Variants in SLC35F3 observed in about 807,000 individuals in gnomAD.
The protein encoded by SLC35F3 is solute carrier family 35 member F3.
Under a neutral mutation model 49.9 loss-of-function variants are expected in SLC35F3, and 25 were observed. The ratio of observed to expected loss-of-function variants is 0.50; its 90% CI spans 0.37 to 0.70. The LOEUF (loss-of-function observed/expected upper bound fraction) is 0.70. SLC35F3 is among the 30% of genes least tolerant of loss of function. The pLI is 0.00. For missense variants in SLC35F3, 525 were observed against 639.8 expected (o/e 0.82, Z 1.94); for synonymous variants, 275 against 265.4 (o/e 1.04, Z -0.35).
At chr1:234,160,834 A>G (rs1335853842) in intron 2 of SLC35F3, among the ~76,000 whole-genome samples, 1 of 152,246 alleles carries the variant, frequency 6.6e-6, no homozygotes, top group Non-Finnish European at 1.5e-5. Flanking sequence ...TGTCATGCAT[A>G]TTGGACACAC....
chr1:234,134,426 G>A (rs565656547), intron 2 of SLC35F3, among the ~76,000 whole-genome samples: 58 of 147,868 alleles, frequency 3.9e-4, no homozygotes, highest in African/African-American at 1.1e-3. Flanking sequence ...ATGTATATTC[G>A]TGTAAATTAT....
intron 2 of SLC35F3, among the ~76,000 whole-genome samples, chr1:234,108,726 AAT>A (rs1163459403): frequency 1.5e-4 from 11 of 72,162 alleles, no homozygotes; most frequent in Admixed American, 2.0e-4. Context: ...GATATATATA[AAT>A]ATATATATCT....
chr1:234,260,205 A>G (rs920854104), intron 3 of SLC35F3, among the ~76,000 whole-genome samples: 11 of 152,202 alleles, frequency 7.2e-5, no homozygotes, highest in African/African-American at 2.7e-4. Context: ...TTCAGGGTTT[A>G]GTGTGTAGAA....
chr1:233,975,636 G>A (rs1663067598), intron 2 of SLC35F3, among the ~76,000 whole-genome samples: 1 of 152,208 alleles, frequency 6.6e-6, no homozygotes, highest in Non-Finnish European at 1.5e-5. Flanking sequence ...GGAGAGGGGC[G>A]CTGCTGTGGG....
intron 2 of SLC35F3, among the ~76,000 whole-genome samples, chr1:234,166,170 A>AGTTTTAGGTTCAG (rs1023663083): frequency 6.6e-6 from 1 of 152,138 alleles, no homozygotes; most frequent in African/African-American, 2.4e-5. Context: ...ACTTTAGAGT[A>AGTTTTAGGTTCAG]GTTTTAGGTT....
chr1:234,206,670 C>T (rs1666975475), intron 2 of SLC35F3, among the ~76,000 whole-genome samples: 1 of 152,142 alleles, frequency 6.6e-6, no homozygotes, highest in Admixed American at 6.5e-5. Context: ...AGAGAGTTGA[C>T]AGCCCAGCAG....
chr1:234,319,770 G>A (rs1003995443), intron 6 of SLC35F3, among the ~76,000 whole-genome samples: 2 of 152,140 alleles, frequency 1.3e-5, no homozygotes, highest in Non-Finnish European at 2.9e-5. Context: ...TCCTGTTCAT[G>A]CAGTTATCCC....
At chr1:234,237,406 C>A (rs1347264351) in intron 3 of SLC35F3, among the ~76,000 whole-genome samples, 1 of 152,124 alleles carries the variant, frequency 6.6e-6, no homozygotes, top group East Asian at 1.9e-4. Context: ...TCATTTTCAC[C>A]AAACTCAAGT....
intron 2 of SLC35F3, among the ~76,000 whole-genome samples, chr1:234,012,964 A>G (rs181007761): frequency 7.2e-5 from 11 of 152,322 alleles, no homozygotes; most frequent in Admixed American, 6.5e-4. Context: ...ATTGGCCTTG[A>G]TCTATAAAAC....
rs188412545 is a variant in SLC35F3 at position 234,113,119 on chromosome 1, T to C, written c.284-118298T>C. Among the ~76,000 whole-genome samples, 8 of 152,304 alleles carry C rather than the reference T, an allele frequency of 5.3e-5. No homozygotes were observed. The East Asian group carries it at 1.5e-3, about 29-fold the overall frequency. On this transcript the variant is annotated intron_variant, in intron 2 of 7. Transcript: ENST00000366618. ...AAGAAAAGAAATAACTATTAATATA[T>C]GTGCTGTGCTTAAAGTTTCTGACAT...
chr1:233,950,588 C>A (rs1398324213), intron 2 of SLC35F3, among the ~76,000 whole-genome samples: 2 of 150,088 alleles, frequency 1.3e-5, no homozygotes, highest in Non-Finnish European at 3.0e-5. Context: ...TTCGTACCTC[C>A]TTCCTCTTTC....
chr1:234,129,976 A>T (rs1009228419), intron 2 of SLC35F3, among the ~76,000 whole-genome samples: 6 of 152,232 alleles, frequency 3.9e-5, no homozygotes, highest in Admixed American at 2.6e-4. Flanking sequence ...AAAACATAAG[A>T]AAATATCTTT....
chr1:234,304,630 G>A (rs1292013258), intron 3 of SLC35F3, among the ~76,000 whole-genome samples: 1 of 152,010 alleles, frequency 6.6e-6, no homozygotes. Flanking sequence ...ACATTTTTAT[G>A]AGGACTTATC....
At chr1:234,131,546 C>A (rs1358478765) in intron 2 of SLC35F3, among the ~76,000 whole-genome samples, 2 of 152,030 alleles carry the variant, frequency 1.3e-5, no homozygotes, top group African/African-American at 4.8e-5. Context: ...AAGCCAAGGT[C>A]AAAAGTAAAC....
At chr1:234,130,702 A>C (rs1282785545) in intron 2 of SLC35F3, among the ~76,000 whole-genome samples, 5 of 151,948 alleles carry the variant, frequency 3.3e-5, no homozygotes, top group Non-Finnish European at 7.4e-5. Flanking sequence ...GGAGCAAATG[A>C]AACTCTCATA....
chr1:234,301,970 A>G (rs961831907), intron 3 of SLC35F3, among the ~76,000 whole-genome samples: 2 of 152,180 alleles, frequency 1.3e-5, no homozygotes, highest in Admixed American at 1.3e-4. Context: ...ATTCTCACTC[A>G]TAAGTGGGAT....
chr1:234,236,827 T>G (rs1253165804), intron 3 of SLC35F3, among the ~76,000 whole-genome samples: 1 of 151,232 alleles, frequency 6.6e-6, no homozygotes, highest in Non-Finnish European at 1.5e-5. Context: ...TTCTTTGATA[T>G]CTATGTGGGC....
chr1:234,001,996 C>T (rs1333406157), intron 2 of SLC35F3, among the ~76,000 whole-genome samples: 4 of 152,164 alleles, frequency 2.6e-5, no homozygotes, highest in African/African-American at 9.7e-5. Flanking sequence ...AGCTGAAAAG[C>T]ACTCACTGAC....
At chr1:234,310,430 T>G (rs962330600) in intron 4 of SLC35F3, among the ~76,000 whole-genome samples, 18 of 152,212 alleles carry the variant, frequency 1.2e-4, no homozygotes, top group African/African-American at 4.1e-4. Flanking sequence ...CTGAGTTATA[T>G]TTTTAGCTCG....
Sources: gnomAD v4.1 joint callset for allele counts (sites outside exome capture counted in the v4.1 genomes callset) on GRCh38, gnomAD v4.1.1 for gene constraint, MANE v1.5 for transcripts, NCBI Gene and HGNC (gene_info 2026-07-23, HGNC 2026-07-21) for gene names.